Variants in TENM1 observed in about 807,000 individuals in gnomAD.
TENM1 encodes the protein teneurin-1.
TENM1 carries 35 observed loss-of-function variants against 174.8 expected under a neutral mutation model. The observed-to-expected ratio is 0.20, with a 90% CI of 0.15 to 0.27. The LOEUF is 0.27. Ranked by LOEUF, TENM1 falls within the 10% of genes least tolerant of loss-of-function variation. TENM1 has a pLI of 1.00. For synonymous variants in TENM1, 781 were observed against 798.7 expected (o/e 0.98, Z 0.37); for missense variants, 1,633 against 2,130.1 (o/e 0.77, Z 4.59).
intron 16 of TENM1, among the ~76,000 whole-genome samples, chrX:124,526,549 T>A (rs1049920917): frequency 2.7e-5 from 3 of 111,835 alleles, no homozygotes; most frequent in African/African-American, 9.8e-5. Flanking sequence ...CAATGCCAAA[T>A]AGAATGCTGA....
chrX:124,384,142 A>C, exon 30 of TENM1: 1 of 1,211,386 alleles, frequency 8.3e-7, no homozygotes, highest in Non-Finnish European at 1.1e-6. Flanking sequence ...TACTCGCGAC[A>C]CGTCGCCCAA....
At chrX:125,185,981 A>T in the TENM1 span, among the ~76,000 whole-genome samples, 1 of 111,358 alleles carries the variant, frequency 9.0e-6, no homozygotes, top group Non-Finnish European at 1.9e-5. Context: ...GGAGTATGAA[A>T]TTCTCACCCA....
chrX:124,632,306 A>G lies in TENM1; in HGVS notation c.2077+9485T>C, dbSNP rs932440080. Among the ~76,000 whole-genome samples, 42 of 110,910 alleles carry G rather than the reference A, an allele frequency of 3.8e-4. 1 individual carries two copies. Among genetic ancestry groups the G allele is most frequent in the Non-Finnish European group, 5.5e-4 (29 of 52,956 alleles). ...ATAAAGTAACTTGCCCTGCCTCTCA[A>G]AGTAAAGGAGTTCATTCAACTCTAA... is the stretch of plus-strand genomic sequence containing the variant. On this transcript the variant is annotated intron_variant, in intron 11 of 31. Transcript: ENST00000422452.
chrX:124,817,693 G>A (rs1045069251), intron 3 of TENM1, among the ~76,000 whole-genome samples: 3 of 111,909 alleles, frequency 2.7e-5, no homozygotes, highest in Non-Finnish European at 5.6e-5. Flanking sequence ...CTGCTTCAAA[G>A]CCTTCGCTTT....
exon 32 of TENM1, chrX:124,379,134 T>C (rs1341368626): frequency 8.9e-6 from 1 of 112,417 alleles, no homozygotes; most frequent in Non-Finnish European, 1.9e-5. Context: ...CTGCAGCTGA[T>C]ATTAACACTA....
At chrX:124,787,612 A>T (rs2147192417) in intron 3 of TENM1, among the ~76,000 whole-genome samples, 1 of 111,888 alleles carries the variant, frequency 8.9e-6, no homozygotes, top group South Asian at 3.7e-4. Flanking sequence ...ACAGCATTGA[A>T]ATTTGCCTGT....
chrX:124,492,941 T>G (rs906353348), intron 20 of TENM1, among the ~76,000 whole-genome samples: 1 of 109,938 alleles, frequency 9.1e-6, no homozygotes, highest in African/African-American at 3.3e-5. Context: ...CAAAGGAGTC[T>G]AACACTAATA....
At chrX:124,758,562 G>A (rs1195718078) in intron 3 of TENM1, among the ~76,000 whole-genome samples, 1 of 111,724 alleles carries the variant, frequency 9.0e-6, no homozygotes, top group Non-Finnish European at 1.9e-5. Flanking sequence ...GTGGAAAACA[G>A]GATCTTAAAG....
In TENM1 at chrX:124,563,016, G is replaced by A. The variant is rs73634517; in HGVS notation, c.2287+733C>T. 5.9e-3 allele frequency among the ~76,000 whole-genome samples: 663 copies of A among 112,129 alleles called. 2 individuals are homozygous for A. The highest frequency in any genetic ancestry group is 0.02 in the African/African-American group (624 of 30,949). On this transcript the variant is annotated intron_variant, in intron 13 of 31. Transcript: ENST00000422452. The stretch of plus-strand genomic sequence containing the variant: ...AGATGGTTGTTAGAAAATATGAAAA[G>A]CTTGATGTACGTAATATACTCATGA...
At chrX:124,593,903 C>A (rs975561963) in intron 11 of TENM1, among the ~76,000 whole-genome samples, 4 of 112,045 alleles carry the variant, frequency 3.6e-5, no homozygotes, top group African/African-American at 1.3e-4. Context: ...GGCCCCTACC[C>A]TACTCCAGAG....
chrX:125,165,630 G>T, the TENM1 span, among the ~76,000 whole-genome samples: 1 of 111,748 alleles, frequency 8.9e-6, no homozygotes, highest in Non-Finnish European at 1.9e-5. Context: ...AAAGCCTGGT[G>T]GCACAGGGCC....
chrX:124,504,742 G>A (rs1397338353), intron 18 of TENM1, among the ~76,000 whole-genome samples: 2 of 111,323 alleles, frequency 1.8e-5, no homozygotes, highest in Non-Finnish European at 1.9e-5. Context: ...TCCTTCCTTT[G>A]TCATTTGGTT....
intron 1 of TENM1, among the ~76,000 whole-genome samples, chrX:124,955,797 G>GCGCACA (rs1556430460): frequency 1.1e-5 from 1 of 91,251 alleles, no homozygotes; most frequent in African/African-American, 4.8e-5. Context: ...ACACGCGCAC[G>GCGCACA]CACACACACA....
chrX:124,738,730 T>C (rs2053734722), intron 3 of TENM1, among the ~76,000 whole-genome samples: 1 of 112,092 alleles, frequency 8.9e-6, no homozygotes, highest in Non-Finnish European at 1.9e-5. Flanking sequence ...ACCTCTGGGC[T>C]CATACTCATA....
At chrX:124,663,836 G>A (rs1052162486) in intron 6 of TENM1, among the ~76,000 whole-genome samples, 15 of 109,692 alleles carry the variant, frequency 1.4e-4, no homozygotes, top group African/African-American at 4.3e-4. Context: ...GACATTTAAC[G>A]TGAATTTTTA....
chrX:124,751,522 G>C (rs930448329), intron 3 of TENM1, among the ~76,000 whole-genome samples: 1 of 109,765 alleles, frequency 9.1e-6, no homozygotes, highest in Non-Finnish European at 1.9e-5. Context: ...TTAAGTTTTA[G>C]GGTACATGTG....
At chrX:124,945,962 T>C (rs1240841194) in intron 1 of TENM1, among the ~76,000 whole-genome samples, 4 of 111,738 alleles carry the variant, frequency 3.6e-5, no homozygotes, top group Non-Finnish European at 7.5e-5. Context: ...CTTGGGAGAA[T>C]TGTCTGCTCA....
At chrX:124,748,173 C>T (rs1439284385) in intron 3 of TENM1, among the ~76,000 whole-genome samples, 3 of 111,275 alleles carry the variant, frequency 2.7e-5, no homozygotes, top group Admixed American at 9.6e-5. Context: ...GGCTTACTGA[C>T]CAGCTACCTG....
intron 22 of TENM1, among the ~76,000 whole-genome samples, chrX:124,458,217 C>A (rs1444972104): frequency 8.9e-6 from 1 of 112,120 alleles, no homozygotes; most frequent in Admixed American, 9.5e-5. Flanking sequence ...CAGAAAAGTC[C>A]ATTCTTCAAC....
Sources: gnomAD v4.1 joint callset for allele counts (sites outside exome capture counted in the v4.1 genomes callset) on GRCh38, gnomAD v4.1.1 for gene constraint, MANE v1.5 for transcripts, NCBI Gene and HGNC (gene_info 2026-07-23, HGNC 2026-07-21) for gene names.